Variants in KALRN observed in about 807,000 individuals in gnomAD.
KALRN encodes the protein kalirin.
A neutral mutation model predicts 353.7 loss-of-function variants in KALRN; 70 were observed. The ratio of observed to expected loss-of-function variants is 0.20; its 90% CI spans 0.16 to 0.24. The LOEUF is 0.24. KALRN is among the 10% of genes least tolerant of loss of function. The pLI, the probability that KALRN is intolerant of heterozygous loss-of-function variation, is 1.00. For missense variants in KALRN, 2,791 were observed against 3,756.7 expected (o/e 0.74, Z 6.72); for synonymous variants, 1,391 against 1,434.8 (o/e 0.97, Z 0.69).
chr3:124,418,080 GGT>G, intron 14 of KALRN, among the ~76,000 whole-genome samples: 1 of 152,072 alleles, frequency 6.6e-6, no homozygotes, highest in Admixed American at 6.6e-5. Flanking sequence ...AACAGATGTA[GGT>G]AAAAATAATG....
chr3:124,624,210 G>A (rs771839609), intron 34 of KALRN, among the ~76,000 whole-genome samples: 1 of 152,166 alleles, frequency 6.6e-6, no homozygotes, highest in Non-Finnish European at 1.5e-5. Context: ...TCACTTAGTA[G>A]CTGCCTCAGT....
chr3:124,243,670 T>G (rs2080776816), intron 3 of KALRN, among the ~76,000 whole-genome samples: 1 of 152,126 alleles, frequency 6.6e-6, no homozygotes, highest in Non-Finnish European at 1.5e-5. Context: ...CTGGAAATTA[T>G]GTAGGGTATT....
At chr3:124,662,704 T>C (rs188764694) in intron 45 of KALRN, among the ~76,000 whole-genome samples, 1 of 152,336 alleles carries the variant, frequency 6.6e-6, no homozygotes, top group Non-Finnish European at 1.5e-5. Context: ...TTGGTTTAAG[T>C]GAACATACAA....
intron 11 of KALRN, among the ~76,000 whole-genome samples, chr3:124,392,589 G>A (rs1265799162): frequency 1.5e-5 from 2 of 131,860 alleles, no homozygotes; most frequent in Non-Finnish European, 3.2e-5. Flanking sequence ...ACAATTTATT[G>A]TATATTTTCT....
chr3:124,220,912 T>C (rs2077837005), intron 1 of KALRN, among the ~76,000 whole-genome samples: 1 of 152,168 alleles, frequency 6.6e-6, no homozygotes, highest in Non-Finnish European at 1.5e-5. Flanking sequence ...GACCTGGAGG[T>C]TGGGATCAGA....
intron 25 of KALRN, among the ~76,000 whole-genome samples, chr3:124,471,408 C>G (rs1015116802): frequency 2.0e-5 from 3 of 151,884 alleles, no homozygotes; most frequent in African/African-American, 7.3e-5. Flanking sequence ...GCCTCAGCCT[C>G]CTGAGTAGCT....
intron 3 of KALRN, among the ~76,000 whole-genome samples, chr3:124,256,876 A>G (rs1221689800): frequency 6.6e-6 from 1 of 152,196 alleles, no homozygotes; most frequent in Non-Finnish European, 1.5e-5. Context: ...GGAGCCAGGG[A>G]AAGCAAATCT....
intron 1 of KALRN, among the ~76,000 whole-genome samples, chr3:124,107,173 T>C (rs756078678): frequency 5.3e-5 from 8 of 152,196 alleles, no homozygotes; most frequent in Admixed American, 6.5e-5. Flanking sequence ...ATGAGCTCCA[T>C]ATTTTATAGA....
chr3:124,411,972 T>C (rs2092199689), intron 13 of KALRN, among the ~76,000 whole-genome samples: 1 of 152,050 alleles, frequency 6.6e-6, no homozygotes, highest in Non-Finnish European at 1.5e-5. Context: ...GGGTGTGAAG[T>C]GAGAACCTAG....
intron 14 of KALRN, among the ~76,000 whole-genome samples, chr3:124,419,743 G>A (rs1042901213): frequency 2.6e-5 from 4 of 152,092 alleles, no homozygotes; most frequent in African/African-American, 9.7e-5. Context: ...GAAATTGTGG[G>A]GGCACATCAG....
At chr3:124,621,448 G>A (rs968507315) in intron 34 of KALRN, among the ~76,000 whole-genome samples, 2 of 152,180 alleles carry the variant, frequency 1.3e-5, no homozygotes, top group Non-Finnish European at 2.9e-5. Flanking sequence ...AAAAGTGGTG[G>A]CATAGTAAGT....
intron 1 of KALRN, among the ~76,000 whole-genome samples, chr3:124,216,150 A>T (rs1218048826): frequency 6.6e-6 from 1 of 152,196 alleles, no homozygotes; most frequent in Non-Finnish European, 1.5e-5. Flanking sequence ...ACAGCACAGG[A>T]TCTTTCAGAC....
At chr3:124,199,084 T>C (rs958499169) in intron 1 of KALRN, among the ~76,000 whole-genome samples, 2 of 152,236 alleles carry the variant, frequency 1.3e-5, no homozygotes, top group Non-Finnish European at 2.9e-5. Flanking sequence ...AGGGAGACTT[T>C]GAAGCCGAGG....
chr3:124,288,657 T>C (rs751518338), intron 5 of KALRN, among the ~76,000 whole-genome samples: 20 of 152,212 alleles, frequency 1.3e-4, no homozygotes, highest in Non-Finnish European at 2.2e-4. Flanking sequence ...GGGAAAGCAA[T>C]GTATTAGTGC....
chr3:124,188,117 T>C (rs2150279416), intron 1 of KALRN, among the ~76,000 whole-genome samples: 1 of 152,324 alleles, frequency 6.6e-6, no homozygotes, highest in Non-Finnish European at 1.5e-5. Context: ...TATGTTTTTA[T>C]GTGCAGCTAG....
At chr3:124,301,081 A>G (rs1229812996) in intron 6 of KALRN, among the ~76,000 whole-genome samples, 1 of 152,216 alleles carries the variant, frequency 6.6e-6, no homozygotes, top group Non-Finnish European at 1.5e-5. Flanking sequence ...AGACAAACTC[A>G]TTTTAATAAG....
intron 57 of KALRN, 105 bp from the exon 58 acceptor site, chr3:124,712,830 A>AT: frequency 1.5e-6 from 1 of 689,632 alleles, no homozygotes; most frequent in Non-Finnish European, 2.5e-6. Context: ...TAGGATTCCT[A>AT]ATAAGATCTA....
At chr3:124,564,929 A>G (rs1202278647) in intron 34 of KALRN, among the ~76,000 whole-genome samples, 3 of 152,380 alleles carry the variant, frequency 2.0e-5, no homozygotes, top group East Asian at 1.9e-4. Context: ...AACTGGCCAG[A>G]TAATCAGCAG....
chr3:124,215,081 C>A (rs1404820828), intron 1 of KALRN, among the ~76,000 whole-genome samples: 1 of 152,148 alleles, frequency 6.6e-6, no homozygotes, highest in African/African-American at 2.4e-5. Flanking sequence ...AAAGAAGGAA[C>A]AAGGCCTGCC....
Sources: allele counts gnomAD v4.1 joint callset (sites outside exome capture counted in the v4.1 genomes callset), GRCh38; gene constraint gnomAD v4.1.1; transcripts MANE v1.5; gene names NCBI Gene and HGNC (gene_info 2026-07-23, HGNC 2026-07-21).